The following FANCD2 variants were observed in gnomAD, a reference collection of about 807,000 sequenced individuals.
FANCD2 encodes Fanconi anemia group D2 protein.
A neutral mutation model predicts 192.3 loss-of-function variants in FANCD2; 131 were observed. The ratio of observed to expected loss-of-function variants is 0.68; its 90% CI spans 0.59 to 0.79. The LOEUF (loss-of-function observed/expected upper bound fraction) is 0.79, where lower values mean the gene tolerates loss of function less well. FANCD2 is among the 30% of genes least tolerant of loss of function. The pLI is 0.00. For missense variants in FANCD2, 1,508 were observed against 1,701.6 expected (o/e 0.89, Z 2.00); for synonymous variants, 524 against 612.5 (o/e 0.86, Z 2.13).
rs1002947867 is a variant in FANCD2, at chr3:10,096,358, G to A, written c.4071G>A (p.Val1357=). Residue 1357 remains valine, a synonymous_variant, in exon 42 of 44, where the codon GTG becomes GTA. Coordinates refer to ENST00000675286, the MANE Select transcript of FANCD2 (RefSeq NM_001018115.3). Reference sequence around the variant, plus strand: ...AGGACACGAGACTCACCCAACATGTGCCTCTGCTCAAAAAGACCCTGGAAC... The same window carrying A: ...AGGACACGAGACTCACCCAACATGTACCTCTGCTCAAAAAGACCCTGGAAC... The part of the protein sequence containing the change: ...IHQDTRLTQH[V]PLLKKTLELL... 6.2e-7 allele frequency: 1 copy of A among 1,614,130 alleles called. No individual in the cohort carries two copies. The highest frequency in any genetic ancestry group is 1.3e-5 in the African/African-American group (1 of 75,030).
chr3:10,101,041 C>A, intron 43 of FANCD2, 147 bp from the exon 44 acceptor site: 1 of 598,192 alleles, frequency 1.7e-6, no homozygotes, highest in Non-Finnish European at 3.0e-6. Context: ...TGCATTCCAG[C>A]CTGGTGACAG....
intron 29 of FANCD2, among the ~76,000 whole-genome samples, chr3:10,076,053 A>ATTTTTTTTTT (rs1693524980): frequency 7.0e-6 from 1 of 143,588 alleles, no homozygotes; most frequent in Non-Finnish European, 1.5e-5. Flanking sequence ...TTTTTTTTTA[A>ATTTTTTTTTT]TCTTTCTACA....
chr3:10,069,765 T>C (rs1693073085), intron 26 of FANCD2, among the ~76,000 whole-genome samples: 1 of 152,082 alleles, frequency 6.6e-6, no homozygotes, highest in Non-Finnish European at 1.5e-5. Flanking sequence ...CACTCAGTGC[T>C]CAATGGTGCC....
intron 32 of FANCD2, 170 bp downstream of exon 32, chr3:10,081,634 A>AC: frequency 1.4e-6 from 1 of 694,066 alleles, no homozygotes. Flanking sequence ...TTGATCTTGT[A>AC]CCCTCTGAGT....
chr3:10,093,699 A>G (rs1353590173), intron 39 of FANCD2, among the ~76,000 whole-genome samples: 2 of 152,156 alleles, frequency 1.3e-5, no homozygotes, highest in Non-Finnish European at 2.9e-5. Context: ...TATCCTGATA[A>G]TTGCCAAACT....
In FANCD2 at chr3:10,042,064, A is replaced by G. The variant is rs547061132; in HGVS notation, c.783+354A>G. On this transcript the variant is annotated intron_variant, in intron 10 of 43. Coordinates refer to ENST00000675286, the MANE Select transcript of FANCD2 (RefSeq NM_001018115.3). ...AGGCACCTGCCACCACTCCCGGCTA[A>G]TTTTTGTATTTTTAGTAGAGACGGG... Among the ~76,000 whole-genome samples, 25 of 152,012 alleles carry G rather than the reference A, an allele frequency of 1.6e-4. No individual in the cohort carries two copies. The South Asian group carries it at 4.8e-3, about 29-fold the overall frequency.
At chr3:10,031,393 C>G (rs977384174) in intron 2 of FANCD2, among the ~76,000 whole-genome samples, 2 of 151,564 alleles carry the variant, frequency 1.3e-5, no homozygotes, top group Admixed American at 6.6e-5. Flanking sequence ...GTCCCAGCTA[C>G]TGGGAGGCTG....
At chr3:10,034,343 AAAG>A in intron 3 of FANCD2, 123 bp from the exon 4 acceptor site, 2 of 727,944 alleles carry the variant, frequency 2.7e-6, no homozygotes, top group Non-Finnish European at 2.4e-6. Context: ...AAAAAAAAAA[AAAG>A]ATTTGTCTCT....
In FANCD2 at chr3:10,081,658, T is replaced by A. The variant is rs1029627470; in HGVS notation, c.3224+194T>A. On this transcript the variant is annotated intron_variant, in intron 32 of 43. Transcript: ENST00000675286. ...TACCCTCTGAGTCCTTTGGAGCCAC[T>A]ATGTTAACCCATTTGACAGATTAGG... is the stretch of plus-strand genomic sequence containing the variant. 6.4e-6 allele frequency: 4 copies of A among 621,852 alleles called. No homozygotes were observed. In the African/African-American group the frequency reaches 7.3e-5, roughly 11 times the overall value. The allele number at this position is 621,852 out of a possible 1,614,324, so 38.5% of individuals were successfully genotyped here.
chr3:10,099,215 G>A, intron 43 of FANCD2: 2 of 1,359,816 alleles, frequency 1.5e-6, no homozygotes, highest in South Asian at 1.6e-5. Context: ...AGCATTTGGT[G>A]AAAGCCAAAG....
At position 10,095,133 on chromosome 3, in the gene FANCD2, A is replaced by G. The variant is rs34363202; in HGVS notation, c.3964-67A>G. The G allele has an allele frequency of 0.018, 24,296 of 1,318,352 alleles. 305 individuals carry two copies. The highest frequency in any genetic ancestry group is 0.022 in the Non-Finnish European group (20,211 of 916,076). 81.7% of individuals were successfully genotyped at this position (1,318,352 alleles called of 1,614,324 possible). A position where few individuals can be genotyped will look rare whatever the true frequency, so the allele number is the denominator to read the frequency against. On this transcript the variant is annotated intron_variant, in intron 40 of 43. Coordinates refer to ENST00000675286, the MANE Select transcript of FANCD2 (RefSeq NM_001018115.3). ...ATCCTCTTTGGAGCTTTTGATTGCA[A>G]GGGTATCTTGAATCTAAAATGAAAT...
At chr3:10,033,739 C>T (rs1444605949) in intron 3 of FANCD2, among the ~76,000 whole-genome samples, 2 of 112,242 alleles carry the variant, frequency 1.8e-5, no homozygotes, top group African/African-American at 3.5e-5. Context: ...CTTGCTCTGT[C>T]GCCCAGGCTG....
intron 25 of FANCD2, among the ~76,000 whole-genome samples, chr3:10,066,604 GC>G (rs1291140390): frequency 2.6e-5 from 4 of 152,210 alleles, no homozygotes; most frequent in African/African-American, 7.2e-5. Flanking sequence ...TAAAGACTCA[GC>G]CAAGGTCACA....
chr3:10,101,399 TTTTA>T lies in FANCD2; in HGVS notation c.*138_*141del. 3 of 666,000 alleles carry T rather than the reference TTTTA, an allele frequency of 4.5e-6. No individual in the cohort carries two copies. The highest frequency in any genetic ancestry group is 2.8e-5 in the Admixed American group (1 of 36,142). The allele number at this position is 666,000 out of a possible 1,614,324, so 41.3% of individuals were successfully genotyped here. ...CCTCTTTTTTTTTTTTTTTTTTTTT[TTTTA>T]AAGACGGGGACTCGCTGTGTTTCCC... On this transcript the variant is annotated 3_prime_UTR_variant, in exon 44 of 44. Transcript: ENST00000675286.
intron 26 of FANCD2, among the ~76,000 whole-genome samples, chr3:10,068,282 A>G (rs536436089): frequency 2.0e-5 from 3 of 152,324 alleles, no homozygotes; most frequent in Non-Finnish European, 2.9e-5. Flanking sequence ...TAAATTCAGT[A>G]AAGTTGCAAG....
chr3:10,087,148 A>T lies in FANCD2; in HGVS notation c.3350A>T (p.Tyr1117Phe), dbSNP rs1473951328. The change falls in exon 34 of 44, where the codon TAC (tyrosine) becomes TTC (phenylalanine). Residue 1117 changes from tyrosine (Y) to phenylalanine (F), a missense_variant. This residue lies in a region of FANCD2 where 796 missense variants were observed against 879.4 expected (regional missense o/e 0.91). Transcript: ENST00000675286. ...TCTCCTTACAGCCAGAGCGTCCATT[A>T]CTTGCAGAATTTCCATCAAAGCATT... Reference protein sequence around the residue: ...LEELLSQSVHYLQNFHQSIPS... With the variant: ...LEELLSQSVHFLQNFHQSIPS... 6 of 1,613,972 alleles carry T rather than the reference A, an allele frequency of 3.7e-6. No homozygotes were observed. In the East Asian group the frequency reaches 1.3e-4, roughly 36 times the overall value.
intron 32 of FANCD2, among the ~76,000 whole-genome samples, chr3:10,083,382 A>G (rs1693964469): frequency 6.6e-6 from 1 of 152,254 alleles, no homozygotes; most frequent in Admixed American, 6.5e-5. Flanking sequence ...ATAGCACAAC[A>G]CACTCACTAG....
chr3:10,027,297 C>T (rs2086476194), intron 1 of FANCD2, among the ~76,000 whole-genome samples: 1 of 152,154 alleles, frequency 6.6e-6, no homozygotes, highest in Non-Finnish European at 1.5e-5. Flanking sequence ...TAGCAAACTC[C>T]CTTAGGGATA....
chr3:10,090,274 G>T lies in FANCD2; in HGVS notation c.3684-18G>T. ...AGTGCATCATGGTGTGGGCACGCAT[G>T]CTTTTCCCGTCTTCTAGGCATACTT... is the stretch of plus-strand genomic sequence containing the variant. On this transcript the variant is annotated intron_variant, in intron 36 of 43. Coordinates refer to ENST00000675286, the MANE Select transcript of FANCD2 (RefSeq NM_001018115.3). 2 of 1,595,976 alleles carry T rather than the reference G, an allele frequency of 1.3e-6. No individual in the cohort carries two copies. Among genetic ancestry groups the T allele is most frequent in the Non-Finnish European group, 1.7e-6 (2 of 1,164,336 alleles).
Sources: allele counts gnomAD v4.1 joint callset (sites outside exome capture counted in the v4.1 genomes callset), GRCh38; gene constraint gnomAD v4.1.1; regional missense constraint gnomAD v4.1.1; transcripts MANE v1.5; gene names NCBI Gene and HGNC (gene_info 2026-07-23, HGNC 2026-07-21).